CERT1: variants seen among roughly 807,000 people sequenced by gnomAD.
CERT1 encodes ceramide transfer protein.
A neutral mutation model predicts 87.9 loss-of-function variants in CERT1; 31 were observed. The ratio of observed to expected loss-of-function variants is 0.35; its 90% CI spans 0.27 to 0.48. CERT1 has a LOEUF of 0.48. Among genes scored for constraint, CERT1 ranks in the 20% least tolerant of loss-of-function variants. The probability of loss-of-function intolerance (pLI) is 0.99; values close to 1 mark genes in which losing one functional copy is unlikely to be tolerated. For synonymous variants in CERT1, 289 were observed against 250.9 expected (o/e 1.15, Z -1.44); for missense variants, 487 against 758.0 (o/e 0.64, Z 4.20).
intron 2 of CERT1, among the ~76,000 whole-genome samples, chr5:75,467,646 A>C (rs1765516858): frequency 9.4e-6 from 1 of 106,784 alleles, no homozygotes; most frequent in Non-Finnish European, 2.0e-5. Context: ...GTCTCCAAAA[A>C]AAAGAAAAAA....
chr5:75,399,223 C>CT, intron 11 of CERT1, 87 bp downstream of exon 11: 2 of 1,011,018 alleles, frequency 2.0e-6, no homozygotes, highest in Admixed American at 3.7e-5. Context: ...AATCAGTGGC[C>CT]TAACCAAAAG....
intron 2 of CERT1, among the ~76,000 whole-genome samples, chr5:75,473,806 A>C (rs80131497): frequency 6.6e-6 from 1 of 152,330 alleles, no homozygotes; most frequent in East Asian, 1.9e-4. Context: ...CAATGTATAT[A>C]TACTTCAAAA....
intron 7 of CERT1, among the ~76,000 whole-genome samples, chr5:75,412,013 A>G (rs1762952126): frequency 6.6e-6 from 1 of 152,242 alleles, no homozygotes; most frequent in African/African-American, 2.4e-5. Context: ...AGGTTAAAAG[A>G]CCCAGGGTCA....
chr5:75,374,894 G>A (rs754580624), downstream of CERT1: 1 of 383,326 alleles, frequency 2.6e-6, no homozygotes, highest in South Asian at 2.1e-5. Context: ...CATGCTGAGT[G>A]TATCTGTGCC....
At chr5:75,432,837 C>G (rs1384756658) in intron 3 of CERT1, among the ~76,000 whole-genome samples, 3 of 152,238 alleles carry the variant, frequency 2.0e-5, no homozygotes, top group African/African-American at 4.8e-5. Flanking sequence ...TTAGAACTTA[C>G]ATTTATGTCT....
intron 1 of CERT1, among the ~76,000 whole-genome samples, chr5:75,509,289 T>C (rs942065154): frequency 1.2e-4 from 18 of 152,276 alleles, no homozygotes; most frequent in African/African-American, 4.3e-4. Context: ...ATTCAAACTA[T>C]ATAATTTACA....
At chr5:75,454,015 T>C (rs979320324) in intron 3 of CERT1, among the ~76,000 whole-genome samples, 1 of 152,156 alleles carries the variant, frequency 6.6e-6, no homozygotes, top group East Asian at 1.9e-4. Flanking sequence ...GCCCATCCAA[T>C]GGCATCAGAA....
intron 7 of CERT1, 102 bp downstream of exon 7, chr5:75,416,774 A>C (rs1763149809): frequency 9.8e-7 from 1 of 1,024,424 alleles, no homozygotes; most frequent in Non-Finnish European, 1.4e-6. Flanking sequence ...TATTTCTATC[A>C]ACCCAAGATT....
chr5:75,461,057 A>C (rs1765204086), intron 2 of CERT1, among the ~76,000 whole-genome samples: 1 of 152,258 alleles, frequency 6.6e-6, no homozygotes, highest in Non-Finnish European at 1.5e-5. Flanking sequence ...AATTATAAAT[A>C]TCCAGGCATG....
upstream of CERT1, chr5:75,511,869 C>T (rs1768031895): frequency 7.9e-6 from 12 of 1,515,510 alleles, no homozygotes; most frequent in African/African-American, 1.4e-5. Context: ...TGGTCCGTCG[C>T]TCGCGCAGCC....
chr5:75,509,798 T>A lies in CERT1; in HGVS notation c.96+1314A>T, dbSNP rs148730492. 2.5e-3 allele frequency among the ~76,000 whole-genome samples: 375 copies of A among 152,232 alleles called. 1 individual carries two copies. The highest frequency in any genetic ancestry group is 8.6e-3 in the African/African-American group (357 of 41,528). ...CCCACTTCCTATTACCAACTGAAAA[T>A]GTATACCTACTACACAATGTGTTCA... On this transcript the variant is annotated intron_variant, in intron 1 of 16. Transcript: ENST00000643780.
intron 2 of CERT1, among the ~76,000 whole-genome samples, chr5:75,465,383 G>A (rs1368946243): frequency 1.3e-5 from 2 of 152,166 alleles, no homozygotes; most frequent in African/African-American, 4.8e-5. Flanking sequence ...TCTAAGTCTA[G>A]CATCTCTTTT....
chr5:75,503,728 T>C (rs1335234634), intron 2 of CERT1, among the ~76,000 whole-genome samples: 2 of 151,476 alleles, frequency 1.3e-5, no homozygotes, highest in Admixed American at 6.6e-5. Context: ...TCTTTTACTA[T>C]GTACCACAAT....
At chr5:75,466,173 G>T (rs1471001319) in intron 2 of CERT1, among the ~76,000 whole-genome samples, 3 of 152,080 alleles carry the variant, frequency 2.0e-5, no homozygotes, top group African/African-American at 7.2e-5. Flanking sequence ...CCTTTTATTG[G>T]GTTCTGTCAA....
At chr5:75,415,300 C>T (rs1490567337) in intron 7 of CERT1, among the ~76,000 whole-genome samples, 2 of 152,174 alleles carry the variant, frequency 1.3e-5, no homozygotes, top group African/African-American at 4.8e-5. Context: ...TGTAAGAAGA[C>T]TATAAAACAC....
At chr5:75,474,257 T>C (rs1371299733) in intron 2 of CERT1, among the ~76,000 whole-genome samples, 1 of 152,164 alleles carries the variant, frequency 6.6e-6, no homozygotes, top group Non-Finnish European at 1.5e-5. Flanking sequence ...GTGAAATCTT[T>C]AGTGTTGTGA....
At chr5:75,377,177 C>T (rs1761353659), downstream of CERT1, 2 of 152,150 alleles carry the variant, frequency 1.3e-5, no homozygotes, top group Non-Finnish European at 2.9e-5. Context: ...AAGAGGAATA[C>T]AATTAAAACT....
intron 17 of CERT1, chr5:75,370,423 C>T (rs1382355912): frequency 6.6e-6 from 1 of 152,118 alleles, no homozygotes; most frequent in Non-Finnish European, 1.5e-5. Flanking sequence ...GCATACAGCT[C>T]AATTACAAAA....
chr5:75,411,197 T>C (rs1043284480), intron 7 of CERT1, 94 bp from the exon 8 acceptor site: 95 of 684,240 alleles, frequency 1.4e-4, no homozygotes, highest in Non-Finnish European at 8.8e-5. Flanking sequence ...TTCACTGAAA[T>C]TTTACAATTT....
Sources: gnomAD v4.1 joint callset for allele counts (sites outside exome capture counted in the v4.1 genomes callset) on GRCh38, gnomAD v4.1.1 for gene constraint, MANE v1.5 for transcripts, NCBI Gene and HGNC (gene_info 2026-07-23, HGNC 2026-07-21) for gene names.